Variants in ANKS1B observed in about 807,000 individuals in gnomAD.
The protein encoded by ANKS1B is ankyrin repeat and sterile alpha motif domain-containing protein 1B.
ANKS1B carries 36 observed loss-of-function variants against 148.3 expected under a neutral mutation model. The ratio of observed to expected loss-of-function variants is 0.24; its 90% CI spans 0.19 to 0.32. The LOEUF (loss-of-function observed/expected upper bound fraction) is 0.32, where lower values mean the gene tolerates loss of function less well. Ranked by LOEUF, ANKS1B falls within the 10% of genes least tolerant of loss-of-function variation. The probability of loss-of-function intolerance (pLI) is 1.00; values close to 1 mark genes in which losing one functional copy is unlikely to be tolerated. For synonymous variants in ANKS1B, 542 were observed against 560.8 expected (o/e 0.97, Z 0.47); for missense variants, 1,157 against 1,542.6 (o/e 0.75, Z 4.19).
At chr12:98,948,697 T>G (rs1012848259) in intron 17 of ANKS1B, among the ~76,000 whole-genome samples, 2 of 151,726 alleles carry the variant, frequency 1.3e-5, no homozygotes, top group Admixed American at 1.3e-4. Context: ...TGCACAATAA[T>G]CTGATGAGGT....
intron 17 of ANKS1B, among the ~76,000 whole-genome samples, chr12:98,927,814 A>C (rs914340323): frequency 1.3e-5 from 2 of 151,742 alleles, no homozygotes; most frequent in African/African-American, 4.8e-5. Flanking sequence ...TATACTAGAA[A>C]ATTTATATGT....
chr12:99,003,777 G>A (rs545242149), intron 17 of ANKS1B, among the ~76,000 whole-genome samples: 6 of 152,072 alleles, frequency 3.9e-5, no homozygotes, highest in African/African-American at 1.2e-4. Flanking sequence ...ATCCTGCTGC[G>A]ACCACTGACT....
intron 8 of ANKS1B, among the ~76,000 whole-genome samples, chr12:99,745,797 C>T (rs2060538847): frequency 1.3e-5 from 2 of 151,776 alleles, no homozygotes; most frequent in Non-Finnish European, 1.5e-5. Flanking sequence ...AATATAAATT[C>T]ACCTTTCATA....
chr12:99,224,863 T>C (rs913681583), intron 14 of ANKS1B, among the ~76,000 whole-genome samples: 3 of 152,180 alleles, frequency 2.0e-5, no homozygotes, highest in African/African-American at 2.4e-5. Flanking sequence ...ATCTTTCTCA[T>C]ATGGTGAGTG....
chr12:99,552,758 C>A (rs1373593321), intron 9 of ANKS1B, among the ~76,000 whole-genome samples: 1 of 152,194 alleles, frequency 6.6e-6, no homozygotes, highest in Non-Finnish European at 1.5e-5. Flanking sequence ...ATGTGCAAGT[C>A]CCTATAGAAA....
intron 9 of ANKS1B, among the ~76,000 whole-genome samples, chr12:99,540,656 C>T (rs1428488483): frequency 6.6e-6 from 1 of 151,994 alleles, no homozygotes; most frequent in Non-Finnish European, 1.5e-5. Flanking sequence ...TTATGGAATG[C>T]CGCAGTGCTT....
intron 26 of ANKS1B, among the ~76,000 whole-genome samples, chr12:98,750,544 G>C (rs2098055133): frequency 6.6e-6 from 1 of 152,160 alleles, no homozygotes; most frequent in Non-Finnish European, 1.5e-5. Flanking sequence ...AGAAGGAGGA[G>C]AGACAGTTCC....
At chr12:99,821,700 C>G (rs888568757) in intron 2 of ANKS1B, among the ~76,000 whole-genome samples, 2 of 151,846 alleles carry the variant, frequency 1.3e-5, no homozygotes, top group Non-Finnish European at 2.9e-5. Flanking sequence ...AAGGTCAGGC[C>G]CAAGATATCC....
chr12:98,935,646 G>A (rs762266635), intron 17 of ANKS1B, among the ~76,000 whole-genome samples: 1 of 152,142 alleles, frequency 6.6e-6, no homozygotes, highest in Non-Finnish European at 1.5e-5. Context: ...AGACAGTCTT[G>A]CCTCTTGAAT....
At chr12:98,914,318 C>T (rs2099791063) in intron 17 of ANKS1B, among the ~76,000 whole-genome samples, 1 of 152,144 alleles carries the variant, frequency 6.6e-6, no homozygotes, top group South Asian at 2.1e-4. Context: ...ACCATTCTTC[C>T]TATAAAGCCT....
At chr12:99,315,497 T>C (rs549809229) in intron 12 of ANKS1B, among the ~76,000 whole-genome samples, 5 of 152,160 alleles carry the variant, frequency 3.3e-5, no homozygotes, top group Non-Finnish European at 7.4e-5. Flanking sequence ...GAAATGCAAA[T>C]CAAAACCACA....
intron 15 of ANKS1B, among the ~76,000 whole-genome samples, chr12:99,133,056 C>CTTTT (rs58520928): frequency 1.7e-5 from 2 of 118,070 alleles, no homozygotes; most frequent in Admixed American, 8.4e-5. Context: ...TTCTTTCTTT[C>CTTTT]TTTTTTTTTT....
chr12:99,475,082 C>CA lies in ANKS1B; in HGVS notation c.1438+29393dup, dbSNP rs1360823315. ...TGAAATGCCATCTGTACTAAAAATA[C>CA]AAAAAAAAAAAATTAGCTAGGCATG... On this transcript the variant is annotated intron_variant, in intron 10 of 26. Transcript: ENST00000683438. Among the ~76,000 whole-genome samples the CA allele has an allele frequency of 3.3e-3, 447 of 136,426 alleles. 1 individual carries two copies. Among genetic ancestry groups the CA allele is most frequent in the African/African-American group, 4.8e-3 (179 of 37,220 alleles). The allele number at this position is 136,426 out of a possible 152,430, so 89.5% of individuals were successfully genotyped here.
chr12:99,950,664 T>G (rs1261883023), intron 1 of ANKS1B, among the ~76,000 whole-genome samples: 3 of 152,202 alleles, frequency 2.0e-5, no homozygotes, highest in African/African-American at 4.8e-5. Flanking sequence ...ACATTTGTTC[T>G]GTTCATTTTT....
intron 17 of ANKS1B, among the ~76,000 whole-genome samples, chr12:98,901,169 A>C (rs961342105): frequency 3.3e-5 from 5 of 152,346 alleles, no homozygotes; most frequent in African/African-American, 1.2e-4. Context: ...GAACGAGTGA[A>C]AGAAAGCTTG....
chr12:99,315,109 G>A (rs987889928), intron 12 of ANKS1B, among the ~76,000 whole-genome samples: 7 of 151,966 alleles, frequency 4.6e-5, no homozygotes, highest in Admixed American at 2.6e-4. Context: ...TGGGCGTGGT[G>A]GTGCATGCCT....
intron 17 of ANKS1B, among the ~76,000 whole-genome samples, chr12:98,979,693 T>C (rs1271637363): frequency 1.3e-5 from 2 of 151,994 alleles, no homozygotes; most frequent in Non-Finnish European, 2.9e-5. Flanking sequence ...AATTTAATTA[T>C]GCTGTGGTTA....
intron 12 of ANKS1B, among the ~76,000 whole-genome samples, chr12:99,387,842 CT>C (rs2093930663): frequency 8.1e-6 from 1 of 123,212 alleles, no homozygotes; most frequent in Admixed American, 7.8e-5. Flanking sequence ...AAAGAGTTGT[CT>C]TTAGCCACAG....
intron 17 of ANKS1B, among the ~76,000 whole-genome samples, chr12:98,861,431 A>G (rs925194583): frequency 1.3e-5 from 2 of 152,236 alleles, no homozygotes; most frequent in African/African-American, 4.8e-5. Context: ...TAATGGCTCC[A>G]GATGGCTCTC....
Sources: allele counts gnomAD v4.1 joint callset (sites outside exome capture counted in the v4.1 genomes callset), GRCh38; gene constraint gnomAD v4.1.1; transcripts MANE v1.5; gene names NCBI Gene and HGNC (gene_info 2026-07-23, HGNC 2026-07-21).